Variants in TECRL observed in about 807,000 individuals in gnomAD.
TECRL encodes the protein trans-2,3-enoyl-CoA reductase-like.
TECRL carries 63 observed loss-of-function variants against 52.8 expected under a neutral mutation model. The ratio of observed to expected loss-of-function variants is 1.19; its 90% CI spans 0.97 to 1.47. TECRL has a LOEUF of 1.47. Among genes scored for constraint, TECRL ranks in the 40% most tolerant of loss-of-function variants. The probability of loss-of-function intolerance (pLI) is 0.00; values close to 1 mark genes in which losing one functional copy is unlikely to be tolerated. For missense variants in TECRL, 482 were observed against 429.6 expected (o/e 1.12, Z -1.08); for synonymous variants, 164 against 141.9 (o/e 1.16, Z -1.10).
intron 2 of TECRL, among the ~76,000 whole-genome samples, chr4:64,345,601 A>G (rs558609474): frequency 4.6e-5 from 7 of 151,060 alleles, no homozygotes; most frequent in African/African-American, 1.5e-4. Flanking sequence ...CCTAATGTTA[A>G]ATGATGAGTT....
intron 2 of TECRL, among the ~76,000 whole-genome samples, chr4:64,348,928 C>T (rs1468397415): frequency 6.6e-6 from 1 of 152,004 alleles, no homozygotes; most frequent in Non-Finnish European, 1.5e-5. Context: ...TACCTCAGTC[C>T]TGAGAACATC....
chr4:64,325,533 GT>G (rs1407092312), intron 3 of TECRL, among the ~76,000 whole-genome samples: 16 of 152,000 alleles, frequency 1.1e-4, no homozygotes, highest in Admixed American at 4.6e-4. Context: ...ATAAATGATA[GT>G]TTTTTTATAC....
intron 2 of TECRL, among the ~76,000 whole-genome samples, chr4:64,354,495 C>T (rs1720626206): frequency 6.6e-6 from 1 of 151,962 alleles, no homozygotes; most frequent in Non-Finnish European, 1.5e-5. Context: ...TCCAAAATTG[C>T]CCAAAATAGG....
chr4:64,328,516 T>G lies in TECRL; in HGVS notation c.327A>C (p.Glu109Asp). The G allele has an allele frequency of 6.2e-7, 1 of 1,611,502 alleles. No individual in the cohort carries two copies. The highest frequency in any genetic ancestry group is 8.5e-7 in the Non-Finnish European group (1 of 1,178,264). ...WYPSRVGLQLECGGPFLKDYI... is the reference protein window; with the variant it reads ...WYPSRVGLQLDCGGPFLKDYI... ...TCAGTGAAAAATGCTTCTTACCACATTCTAGCTGCAGACCAACTCGAGAAG... is the reference window on the plus strand; with the variant it reads ...TCAGTGAAAAATGCTTCTTACCACAGTCTAGCTGCAGACCAACTCGAGAAG... The change falls in exon 3 of 12, where the codon GAA (glutamate) becomes GAC (aspartate). Residue 109 changes from glutamate (E) to aspartate (D), a missense_variant. By Grantham distance (45) the Glu-to-Asp change is conservative. Transcript: ENST00000381210.
chr4:64,317,717 A>C (rs947681881), intron 4 of TECRL, among the ~76,000 whole-genome samples: 3 of 152,178 alleles, frequency 2.0e-5, no homozygotes, highest in Non-Finnish European at 2.9e-5. Context: ...ATTCTATATA[A>C]TTCAAACACA....
intron 3 of TECRL, among the ~76,000 whole-genome samples, chr4:64,325,362 G>A (rs1288506250): frequency 6.6e-6 from 1 of 152,114 alleles, no homozygotes; most frequent in African/African-American, 2.4e-5. Context: ...GAGCACCAGG[G>A]AACAAGCATT....
intron 1 of TECRL, among the ~76,000 whole-genome samples, chr4:64,382,209 ATATATATATATATATATATATATAT>A (rs542987308): frequency 2.2e-5 from 3 of 134,308 alleles, no homozygotes; most frequent in Admixed American, 1.5e-4. Context: ...ATATATATAT[ATATATATATATATATATATATATAT>A]AGTATTATGT....
At chr4:64,334,926 C>T (rs1055159568) in intron 2 of TECRL, among the ~76,000 whole-genome samples, 6 of 152,186 alleles carry the variant, frequency 3.9e-5, no homozygotes, top group African/African-American at 1.4e-4. Context: ...CAAGATTGGT[C>T]ATCATAACTA....
At position 64,280,201 on chromosome 4, in the gene TECRL, T is replaced by G. The variant is rs1722748756; in HGVS notation, c.965-2A>C. 1 of 1,497,584 alleles carries G rather than the reference T, an allele frequency of 6.7e-7. No homozygotes were observed. Among genetic ancestry groups the G allele is most frequent in the African/African-American group, 1.4e-5 (1 of 69,654 alleles). 92.8% of individuals were successfully genotyped at this position (1,497,584 alleles called of 1,614,324 possible). A position where few individuals can be genotyped will look rare whatever the true frequency, so the allele number is the denominator to read the frequency against. Reference sequence around the variant, plus strand: ...TCATCAGAAGTGTAAAAATTCCAACTAGAAGAAAAAAGAAATAATTATTAT... The same window carrying G: ...TCATCAGAAGTGTAAAAATTCCAACGAGAAGAAAAAAGAAATAATTATTAT... On this transcript the variant is annotated splice_acceptor_variant, in intron 11 of 11. Coordinates refer to ENST00000381210, the MANE Select transcript of TECRL (RefSeq NM_001010874.5). LOFTEE classifies it high-confidence loss of function.
intron 1 of TECRL, among the ~76,000 whole-genome samples, chr4:64,378,815 G>C (rs1722576377): frequency 2.0e-5 from 3 of 151,848 alleles, no homozygotes; most frequent in African/African-American, 7.2e-5. Context: ...TTTCTCTTCA[G>C]ATCATATAAA....
In TECRL at chr4:64,289,721, G is replaced by T. The variant is rs750102167; in HGVS notation, c.821C>A (p.Pro274His). ...NHFINVMLSH[P>H]NHTGNNACFP... ...AAAAAAGAACTAACCTGTGTGATTG[G>T]GATGAGACAACATTACATTGATGAA... Residue 274 changes from proline (P) to histidine (H), a missense_variant, in exon 9 of 12, where the codon CCC (proline) becomes CAC (histidine). Transcript: ENST00000381210. The T allele has an allele frequency of 1.9e-6, 3 of 1,543,364 alleles. No individual in the cohort carries two copies. In the East Asian group the frequency reaches 7.4e-5, roughly 38 times the overall value.
intron 1 of TECRL, among the ~76,000 whole-genome samples, chr4:64,376,726 T>C (rs1225739378): frequency 1.3e-5 from 2 of 151,976 alleles, no homozygotes; most frequent in Non-Finnish European, 1.5e-5. Context: ...TCATAATCAA[T>C]AATCCCTCGA....
At chr4:64,289,203 T>C (rs941741417) in intron 9 of TECRL, among the ~76,000 whole-genome samples, 6 of 152,216 alleles carry the variant, frequency 3.9e-5, no homozygotes, top group Admixed American at 6.5e-5. Context: ...AAACCACAGT[T>C]ACTTTTGCAC....
At chr4:64,332,168 G>A (rs935121892) in intron 2 of TECRL, among the ~76,000 whole-genome samples, 2 of 152,178 alleles carry the variant, frequency 1.3e-5, no homozygotes, top group East Asian at 1.9e-4. Context: ...GCTAAGAGGC[G>A]AGGAAGCTGA....
chr4:64,307,951 A>C (rs771089252), intron 6 of TECRL, among the ~76,000 whole-genome samples: 47 of 152,164 alleles, frequency 3.1e-4, no homozygotes, highest in Admixed American at 7.9e-4. Flanking sequence ...AGGAGAAAAC[A>C]CTTTCAAATG....
At chr4:64,296,913 T>A (rs1176332847) in intron 8 of TECRL, among the ~76,000 whole-genome samples, 3 of 151,622 alleles carry the variant, frequency 2.0e-5, no homozygotes, top group Non-Finnish European at 4.4e-5. Flanking sequence ...TGTATTTGAT[T>A]CTCCTTAATT....
chr4:64,403,466 T>C, intron 1 of TECRL, among the ~76,000 whole-genome samples: 1 of 94,202 alleles, frequency 1.1e-5, no homozygotes, highest in African/African-American at 3.9e-5. Context: ...TATTCTTCCC[T>C]CCCTGAGCGC....
At chr4:64,402,950 A>G (rs1392522464) in intron 1 of TECRL, among the ~76,000 whole-genome samples, 3 of 152,012 alleles carry the variant, frequency 2.0e-5, no homozygotes, top group Non-Finnish European at 4.4e-5. Flanking sequence ...AATGAATATC[A>G]CACCATTTAA....
intron 2 of TECRL, among the ~76,000 whole-genome samples, chr4:64,352,162 A>G (rs2109577336): frequency 6.6e-6 from 1 of 152,330 alleles, no homozygotes; most frequent in East Asian, 1.9e-4. Flanking sequence ...AGTGAAATAC[A>G]CAGTTTATTA....
Sources: gnomAD v4.1 joint callset for allele counts (sites outside exome capture counted in the v4.1 genomes callset) on GRCh38, gnomAD v4.1.1 for gene constraint, MANE v1.5 for transcripts, NCBI Gene and HGNC (gene_info 2026-07-23, HGNC 2026-07-21) for gene names.